CDH22: variants seen among roughly 807,000 people sequenced by gnomAD.
The protein encoded by CDH22 is cadherin-22.
In CDH22, 30 loss-of-function variants were observed where a neutral mutation model predicts 58.4. The ratio of observed to expected loss-of-function variants is 0.51; its 90% CI spans 0.38 to 0.70. The LOEUF (loss-of-function observed/expected upper bound fraction) is 0.70, where lower values mean the gene tolerates loss of function less well. CDH22 is among the 30% of genes least tolerant of loss of function. The pLI is 0.00. For synonymous variants in CDH22, 513 were observed against 558.2 expected (o/e 0.92, Z 1.14); for missense variants, 1,014 against 1,233.9 (o/e 0.82, Z 2.67).
chr20:46,205,068 G>A (rs1253083485), intron 7 of CDH22, among the ~76,000 whole-genome samples: 2 of 151,998 alleles, frequency 1.3e-5, no homozygotes, highest in African/African-American at 4.8e-5. Flanking sequence ...CCTGCCTCCT[G>A]CTCCACTGTC....
intron 1 of CDH22, among the ~76,000 whole-genome samples, chr20:46,281,069 T>G (rs145345728): frequency 6.6e-6 from 1 of 152,204 alleles, no homozygotes; most frequent in African/African-American, 2.4e-5. Flanking sequence ...CCAATCTCAA[T>G]TGATTTCTGG....
intron 2 of CDH22, among the ~76,000 whole-genome samples, chr20:46,250,658 A>G (rs1364227660): frequency 6.6e-6 from 1 of 152,210 alleles, no homozygotes; most frequent in Non-Finnish European, 1.5e-5. Context: ...TTTGTAGTCA[A>G]TGGATAGAAT....
At position 46,264,586 on chromosome 20, in the gene CDH22, G is replaced by C. The variant is rs544852022; in HGVS notation, c.-399-12893C>G. On this transcript the variant is annotated intron_variant, in intron 1 of 11. Transcript: ENST00000537909. ...AGAGAGGTTGAGGGACTTGCCCAAG[G>C]TCACACAGCTAGTTAGTGGAGGATC... Among the ~76,000 whole-genome samples, 8 of 152,234 alleles carry C rather than the reference G, an allele frequency of 5.3e-5. 1 individual carries two copies. Among genetic ancestry groups the C allele is most frequent in the African/African-American group, 1.9e-4 (8 of 41,524 alleles).
At chr20:46,236,685 A>G (rs376361650) in intron 3 of CDH22, among the ~76,000 whole-genome samples, 1 of 111,172 alleles carries the variant, frequency 9.0e-6, no homozygotes, top group South Asian at 2.9e-4. Flanking sequence ...ATCTATCTAT[A>G]TATACATAGA....
At chr20:46,273,689 C>T (rs1471986147) in intron 1 of CDH22, among the ~76,000 whole-genome samples, 3 of 152,026 alleles carry the variant, frequency 2.0e-5, no homozygotes, top group Non-Finnish European at 4.4e-5. Context: ...GAATGGGGAG[C>T]GACAATGGCA....
intron 8 of CDH22, among the ~76,000 whole-genome samples, chr20:46,193,618 T>C (rs569765031): frequency 6.6e-6 from 1 of 152,268 alleles, no homozygotes; most frequent in East Asian, 1.9e-4. Context: ...AGGCCCTTTC[T>C]GTACAGGCCC....
At chr20:46,301,369 C>T (rs2145785880) in intron 1 of CDH22, among the ~76,000 whole-genome samples, 1 of 152,212 alleles carries the variant, frequency 6.6e-6, no homozygotes, top group South Asian at 2.1e-4. Flanking sequence ...GAAACAGAGG[C>T]TCACTCAGCT....
chr20:46,223,879 A>C (rs2086152112), intron 4 of CDH22, among the ~76,000 whole-genome samples: 1 of 130,470 alleles, frequency 7.7e-6, no homozygotes, highest in African/African-American at 3.0e-5. Flanking sequence ...TTTGAGATGG[A>C]GTCTTGCTCT....
chr20:46,244,097 A>G (rs1036642756), intron 2 of CDH22, among the ~76,000 whole-genome samples: 2 of 152,166 alleles, frequency 1.3e-5, no homozygotes, highest in Non-Finnish European at 2.9e-5. Flanking sequence ...CATTGACCTA[A>G]GCACTCTGTT....
chr20:46,294,600 C>A (rs1485544349), intron 1 of CDH22, among the ~76,000 whole-genome samples: 1 of 152,164 alleles, frequency 6.6e-6, no homozygotes, highest in African/African-American at 2.4e-5. Flanking sequence ...CTATGGCAAC[C>A]AGGGAAAAGA....
Position 46,251,402 on chromosome 20 carries a change from C to T in CDH22, c.-108G>A. ...GCCGTGTCACATGGTGGCCTCAGCG[C>T]GGCCGCCGGGATGTCGCCCCCGACG... On this transcript the variant is annotated 5_prime_UTR_variant, in exon 2 of 12. Transcript: ENST00000537909. The surrounding 1 kb of genome is among the most constrained non-coding windows in gnomAD (Gnocchi z 6.7). The T allele has an allele frequency of 7.1e-6, 9 of 1,262,106 alleles. No individual in the cohort carries two copies. Among genetic ancestry groups the T allele is most frequent in the South Asian group, 2.1e-5 (1 of 47,252 alleles). The allele number at this position is 1,262,106 out of a possible 1,614,324, so 78.2% of individuals were successfully genotyped here.
intron 1 of CDH22, among the ~76,000 whole-genome samples, chr20:46,265,749 A>C (rs943107674): frequency 4.6e-5 from 7 of 152,094 alleles, no homozygotes; most frequent in African/African-American, 1.7e-4. Context: ...TTGCATGAAT[A>C]TACCGTGACT....
At chr20:46,232,144 G>C (rs1449370113) in intron 3 of CDH22, among the ~76,000 whole-genome samples, 1 of 152,118 alleles carries the variant, frequency 6.6e-6, no homozygotes, top group Non-Finnish European at 1.5e-5. Flanking sequence ...ATGTGTCCTG[G>C]ATCCCAGGCC....
At chr20:46,267,864 C>A (rs924655361) in intron 1 of CDH22, among the ~76,000 whole-genome samples, 4 of 152,226 alleles carry the variant, frequency 2.6e-5, no homozygotes, top group Admixed American at 2.0e-4. Context: ...GCTTTGCCTG[C>A]GGGAGGTTCA....
At chr20:46,268,232 G>A (rs2086470938) in intron 1 of CDH22, among the ~76,000 whole-genome samples, 1 of 152,244 alleles carries the variant, frequency 6.6e-6, no homozygotes, top group African/African-American at 2.4e-5. Flanking sequence ...AACAATAGCA[G>A]GCAAGACGTG....
chr20:46,186,333 T>G (rs537205244), intron 10 of CDH22, among the ~76,000 whole-genome samples: 4 of 151,920 alleles, frequency 2.6e-5, no homozygotes, highest in Admixed American at 2.6e-4. Context: ...CAATCATTCC[T>G]CATTTATTCC....
intron 10 of CDH22, among the ~76,000 whole-genome samples, chr20:46,185,186 C>A (rs1360892484): frequency 1.3e-5 from 2 of 151,362 alleles, no homozygotes; most frequent in African/African-American, 4.9e-5. Flanking sequence ...CACAAAAAAA[C>A]CAGAGAGGAA....
intron 7 of CDH22, among the ~76,000 whole-genome samples, chr20:46,202,246 C>A (rs2085966571): frequency 6.6e-6 from 1 of 152,034 alleles, no homozygotes; most frequent in Admixed American, 6.6e-5. Flanking sequence ...CTTATTTATA[C>A]AAAGGTGACA....
Position 46,174,199 on chromosome 20 carries a change from AC to A in CDH22, c.*306del. 2.4e-6 allele frequency: 1 copy of A among 413,638 alleles called. No homozygotes were observed. Among genetic ancestry groups the A allele is most frequent in the Admixed American group, 4.7e-5 (1 of 21,222 alleles). The allele number at this position is 413,638 out of a possible 1,614,324, so 25.6% of individuals were successfully genotyped here. ...TTCTCCCCCAGGCCAGGATTGAGTG[AC>A]CCGCCCCTTCCCGACTCTGCAACGC... On this transcript the variant is annotated 3_prime_UTR_variant, in exon 12 of 12. Transcript: ENST00000537909. The surrounding 1 kb of genome is among the most constrained non-coding windows in gnomAD (Gnocchi z 4.4).
Sources: allele counts gnomAD v4.1 joint callset (sites outside exome capture counted in the v4.1 genomes callset), GRCh38; gene constraint gnomAD v4.1.1; non-coding constraint Gnocchi (gnomAD v3.1); transcripts MANE v1.5; gene names NCBI Gene and HGNC (gene_info 2026-07-23, HGNC 2026-07-21).